Variants in MOV10 observed in about 807,000 individuals in gnomAD.
MOV10 encodes the protein RNA helicase MOV-10.
MOV10 carries 39 observed loss-of-function variants against 108.4 expected under a neutral mutation model. The observed-to-expected ratio is 0.36, with a 90% CI of 0.28 to 0.47. MOV10 has a LOEUF of 0.47. Among genes scored for constraint, MOV10 ranks in the 20% least tolerant of loss-of-function variants. The pLI, the probability that MOV10 is intolerant of heterozygous loss-of-function variation, is 1.00. For missense variants in MOV10, 952 were observed against 1,297.6 expected, an observed-to-expected ratio of 0.73 and a Z score of 4.09; for synonymous variants, 490 against 523.1, an observed-to-expected ratio of 0.94 and a Z score of 0.86.
chr1:112,698,069 G>A lies in MOV10; in HGVS notation c.2274G>A (p.Val758=), dbSNP rs759119627. 160 of 1,614,184 alleles carry A rather than the reference G, an allele frequency of 9.9e-5. 1 individual carries two copies. In the Middle Eastern group the frequency reaches 9.4e-3, roughly 95 times the overall value. ...AGCTGCAGGCCTGTGCTGATGTCGT[G>A]GATCGAGAACGCTTCTGCCGCTGGG... The part of the protein sequence containing the change: ...EGELQACADV[V]DRERFCRWAG... Residue 758 remains valine, a synonymous_variant, in exon 15 of 21, where the codon GTG becomes GTA. Coordinates refer to ENST00000369645, the MANE Select transcript of MOV10 (RefSeq NM_001321324.2).
chr1:112,699,437 A>T, intron 17 of MOV10: 1 of 1,353,462 alleles, frequency 7.4e-7, no homozygotes, highest in Non-Finnish European at 9.5e-7. Flanking sequence ...TGTTCTTTGC[A>T]ATGCTGTTTT....
In MOV10 at chr1:112,689,034, C is replaced by A. The variant is rs758343122; in HGVS notation, c.237C>A (p.Leu79=). The part of the protein sequence containing the change: ...VTKTRVRFFR[L]DRWADVRFPE... ...AGACTCGGGTCAGGTTCTTCAGACT[C>A]GACCGCTGGGCCGACGTGCGGTTCC... Residue 79 remains leucine, a synonymous_variant, in exon 3 of 21, where the codon CTC becomes CTA. Transcript: ENST00000369645. 6.2e-7 allele frequency: 1 copy of A among 1,612,490 alleles called. No homozygotes were observed. The highest frequency in any genetic ancestry group is 1.3e-5 in the African/African-American group (1 of 74,878).
intron 5 of MOV10, among the ~76,000 whole-genome samples, chr1:112,690,326 AG>A (rs1673467970): frequency 6.6e-6 from 1 of 152,220 alleles, no homozygotes; most frequent in African/African-American, 2.4e-5. Flanking sequence ...ATGCATTATC[AG>A]GCAGATCATT....
rs1241112485 is a variant in MOV10 at position 112,689,598 on chromosome 1, C to G, written c.525C>G (p.Pro175=). The change falls in exon 4 of 21, where the codon CCC becomes CCG. Residue 175 remains proline, a synonymous_variant. Transcript: ENST00000369645. The part of the protein sequence containing the change: ...LTHLFPLCRT[P]QFAFYNEDQE... ...ACCTCTTCCCACTCTGCCGGACACC[C>G]CAGTTTGCTTTCTACAATGAAGACC... 5 of 1,614,096 alleles carry G rather than the reference C, an allele frequency of 3.1e-6. No homozygotes were observed. Among genetic ancestry groups the G allele is most frequent in the Admixed American group, 1.7e-5 (1 of 60,012 alleles).
intron 14 of MOV10, among the ~76,000 whole-genome samples, 175 bp downstream of exon 14, chr1:112,697,021 T>A (rs1674164513): frequency 6.6e-6 from 1 of 152,224 alleles, no homozygotes; most frequent in Non-Finnish European, 1.5e-5. Context: ...GCTTGTTGTC[T>A]GCGTGACTTA....
chr1:112,695,376 C>G (rs764857324), intron 10 of MOV10, 40 bp from the exon 11 acceptor site: 1 of 1,604,016 alleles, frequency 6.2e-7, no homozygotes, highest in Non-Finnish European at 8.5e-7. Flanking sequence ...GGCTGAGTCT[C>G]AGGAACCTGC....
At chr1:112,690,206 C>G (rs1453020887) in intron 5 of MOV10, 108 bp downstream of exon 5, 13 of 1,352,042 alleles carry the variant, frequency 9.6e-6, no homozygotes, top group African/African-American at 7.4e-5. Context: ...TTCCTACAGG[C>G]TCTTCACTCT....
intron 7 of MOV10, 58 bp downstream of exon 7, chr1:112,692,987 G>A: frequency 6.6e-7 from 1 of 1,510,390 alleles, no homozygotes; most frequent in East Asian, 2.4e-5. Context: ...GCTAGAGGCT[G>A]TGGGCAGAAC....
In MOV10 at chr1:112,682,293, A is replaced by C. The variant is rs1318961965; in HGVS notation, c.138-6642A>C. ...GACTGGAGTACAGTGGCATGAACATAGCTCACTGCAGCCTCAACCTCCCAG... is the reference window on the plus strand; with the variant it reads ...GACTGGAGTACAGTGGCATGAACATCGCTCACTGCAGCCTCAACCTCCCAG... On this transcript the variant is annotated intron_variant, in intron 2 of 20. Transcript: ENST00000369645. 2.0e-5 allele frequency among the ~76,000 whole-genome samples: 3 copies of C among 151,872 alleles called. No individual in the cohort carries two copies. In the East Asian group the frequency reaches 5.8e-4, roughly 29 times the overall value.
At chr1:112,690,497 T>G (rs1182020083) in intron 5 of MOV10, among the ~76,000 whole-genome samples, 2 of 152,104 alleles carry the variant, frequency 1.3e-5, no homozygotes, top group African/African-American at 4.8e-5. Context: ...GTAGCTGGGA[T>G]TACAGGCGCC....
chr1:112,678,361 C>G (rs550893515), intron 2 of MOV10, among the ~76,000 whole-genome samples: 10 of 152,190 alleles, frequency 6.6e-5, no homozygotes, highest in African/African-American at 2.2e-4. Context: ...TCTACAAGTA[C>G]TGGCTGAGTG....
chr1:112,694,212 C>T lies in MOV10; in HGVS notation c.1295+40C>T, dbSNP rs144306393. ...AACCCTGAGCTGCTGGAAGGGTCTA[C>T]AGACTTCTGACCCCAGGGGAGGAGG... On this transcript the variant is annotated intron_variant, in intron 8 of 20. Transcript: ENST00000369645. The surrounding 1 kb of genome is among the most constrained non-coding windows in gnomAD (Gnocchi z 4.1). 1,289 of 1,612,072 alleles carry T rather than the reference C, an allele frequency of 8.0e-4. 7 individuals carry two copies. In the African/African-American group the frequency reaches 0.015, roughly 19 times the overall value.
intron 5 of MOV10, 113 bp from the exon 6 acceptor site, chr1:112,691,552 C>A: frequency 7.3e-7 from 1 of 1,364,124 alleles, no homozygotes; most frequent in Non-Finnish European, 1.0e-6. Context: ...AGGCTGCTGA[C>A]TTCCCTTCAG....
chr1:112,700,078 C>A, intron 19 of MOV10, 96 bp downstream of exon 19: 2 of 1,584,682 alleles, frequency 1.3e-6, no homozygotes, highest in Non-Finnish European at 1.7e-6. Flanking sequence ...CTCAGTTAAT[C>A]CTCAGATGTG....
intron 2 of MOV10, among the ~76,000 whole-genome samples, chr1:112,680,982 G>A (rs186039896): frequency 2.6e-5 from 4 of 151,864 alleles, no homozygotes; most frequent in African/African-American, 4.8e-5. Flanking sequence ...GATTACAGGC[G>A]TGAGCTACTG....
chr1:112,684,325 TG>T (rs2101303689), intron 2 of MOV10, among the ~76,000 whole-genome samples: 1 of 137,600 alleles, frequency 7.3e-6, no homozygotes, highest in East Asian at 2.2e-4. Context: ...TGGAGTGCAA[TG>T]GCGCGAACTC....
At position 112,694,074 on chromosome 1, in the gene MOV10, C is replaced by A. The variant is rs1673838415; in HGVS notation, c.1197C>A (p.Ala399=). The change falls in exon 8 of 21, where the codon GCC becomes GCA. Residue 399 remains alanine, a synonymous_variant. Coordinates refer to ENST00000369645, the MANE Select transcript of MOV10 (RefSeq NM_001321324.2). The surrounding 1 kb of genome is among the most constrained non-coding windows in gnomAD (Gnocchi z 4.1). ...PSVLRGDHLF[A]LLSSETHQED... is the part of the protein sequence containing the mutation. ...TGCTACGGGGCGACCACCTGTTTGC[C>A]CTTTTGTCCTCGGAGACACACCAGG... 3.7e-6 allele frequency: 6 copies of A among 1,613,906 alleles called. No individual in the cohort carries two copies. Among genetic ancestry groups the A allele is most frequent in the Non-Finnish European group, 5.1e-6 (6 of 1,179,996 alleles).
At chr1:112,695,703 C>A in intron 11 of MOV10, 129 bp downstream of exon 11, 1 of 1,033,960 alleles carries the variant, frequency 9.7e-7, no homozygotes. Flanking sequence ...TGGACAGGAC[C>A]CCTCCCTGGG....
At chr1:112,689,385 C>CCCCCTGGCACCCCCA in intron 3 of MOV10, 30 bp from the exon 4 acceptor site, 1 of 1,182,978 alleles carries the variant, frequency 8.5e-7, no homozygotes, top group Non-Finnish European at 1.3e-6. Flanking sequence ...GCTCCCACCC[C>CCCCCTGGCACCCCCA]AACCCCCCCT....
Sources: allele counts gnomAD v4.1 joint callset (sites outside exome capture counted in the v4.1 genomes callset), GRCh38; gene constraint gnomAD v4.1.1; non-coding constraint Gnocchi (gnomAD v3.1); transcripts MANE v1.5; gene names NCBI Gene and HGNC (gene_info 2026-07-23, HGNC 2026-07-21).